The following LRFN5 variants were observed in gnomAD, a reference collection of about 807,000 sequenced individuals.
LRFN5 encodes the protein leucine rich repeat and fibronectin type III domain containing 5.
In LRFN5, 24 loss-of-function variants were observed where a neutral mutation model predicts 45.6. The ratio of observed to expected loss-of-function variants is 0.53; its 90% CI spans 0.38 to 0.74. LRFN5 has a LOEUF of 0.74. LRFN5 is among the 30% of genes least tolerant of loss of function. LRFN5 has a pLI of 0.00. For synonymous variants in LRFN5, 340 were observed against 313.8 expected (o/e 1.08, Z -0.88); for missense variants, 776 against 861.5 (o/e 0.90, Z 1.24).
chr14:41,685,620 C>T (rs1486538405), intron 1 of LRFN5, among the ~76,000 whole-genome samples: 1 of 152,076 alleles, frequency 6.6e-6, no homozygotes, highest in African/African-American at 2.4e-5. Flanking sequence ...GGTCTCTAAT[C>T]CCTCTTGGGT....
At chr14:41,825,411 A>C (rs1224722733) in intron 2 of LRFN5, among the ~76,000 whole-genome samples, 1 of 152,214 alleles carries the variant, frequency 6.6e-6, no homozygotes, top group African/African-American at 2.4e-5. Flanking sequence ...TGGAAGGAGA[A>C]CAGTCACCTT....
intron 1 of LRFN5, among the ~76,000 whole-genome samples, chr14:41,688,639 A>C (rs1258902694): frequency 6.6e-6 from 1 of 151,782 alleles, no homozygotes; most frequent in Non-Finnish European, 1.5e-5. Context: ...AAAATGAGGA[A>C]AATTAGGATA....
At chr14:41,736,801 G>A (rs1390794535) in intron 1 of LRFN5, among the ~76,000 whole-genome samples, 1 of 152,076 alleles carries the variant, frequency 6.6e-6, no homozygotes, top group Non-Finnish European at 1.5e-5. Context: ...ATTAAACCAG[G>A]AAGAAGTCAA....
chr14:41,894,324 A>G, intron 4 of LRFN5: 1 of 906,566 alleles, frequency 1.1e-6, no homozygotes, highest in Non-Finnish European at 1.3e-6. Context: ...AATATCTTTC[A>G]TTTCTCATAG....
intron 1 of LRFN5, among the ~76,000 whole-genome samples, chr14:41,748,704 C>T (rs1594671552): frequency 6.6e-6 from 1 of 152,060 alleles, no homozygotes; most frequent in Middle Eastern, 3.4e-3. Context: ...ATGTATGGTT[C>T]AGTATGAATA....
chr14:41,740,520 CT>C lies in LRFN5; in HGVS notation c.-196-26333del, dbSNP rs566713550. On this transcript the variant is annotated intron_variant, in intron 1 of 5. Coordinates refer to ENST00000298119, the MANE Select transcript of LRFN5 (RefSeq NM_152447.5). ...ATTTAACATCTGATCATGATAAAAG[CT>C]CTCAACAAATAGGTATTGAAATAAT... Among the ~76,000 whole-genome samples, 1,380 of 151,900 alleles carry C rather than the reference CT, an allele frequency of 9.1e-3. 8 individuals carry two copies. The highest frequency in any genetic ancestry group is 0.014 in the Non-Finnish European group (927 of 67,842).
chr14:41,808,509 GGGAGGAAGGAAGGGAGGGAT>G (rs796805158), intron 2 of LRFN5, among the ~76,000 whole-genome samples: 3,309 of 117,960 alleles, frequency 0.028, 197 homozygotes, highest in African/African-American at 0.1. Context: ...AAGGAAGGAA[GGGAGGAAGGAAGGGAGGGAT>G]GGAGGAAGGA....
At chr14:41,799,619 G>T (rs1887255364) in intron 2 of LRFN5, among the ~76,000 whole-genome samples, 1 of 151,754 alleles carries the variant, frequency 6.6e-6, no homozygotes, top group Non-Finnish European at 1.5e-5. Flanking sequence ...TCTCTTATTT[G>T]TTAATGTATT....
intron 2 of LRFN5, among the ~76,000 whole-genome samples, chr14:41,767,858 C>T (rs140876197): frequency 3.3e-5 from 5 of 152,282 alleles, no homozygotes; most frequent in African/African-American, 7.2e-5. Context: ...TTTCCTGGTT[C>T]ATACTTATGA....
At chr14:41,842,863 C>CAACA (rs1888909941) in intron 2 of LRFN5, among the ~76,000 whole-genome samples, 1 of 151,932 alleles carries the variant, frequency 6.6e-6, no homozygotes. Flanking sequence ...TCAACATTAC[C>CAACA]TAATGGAAAT....
At chr14:41,755,186 T>C (rs113004277) in intron 1 of LRFN5, among the ~76,000 whole-genome samples, 1,622 of 152,296 alleles carry the variant, frequency 0.011, 25 homozygotes, top group African/African-American at 0.037. Context: ...TACTTCCAAC[T>C]ATGTGGTCAA....
intron 2 of LRFN5, among the ~76,000 whole-genome samples, chr14:41,844,860 CAA>C (rs576970400): frequency 1.7e-4 from 26 of 151,790 alleles, no homozygotes; most frequent in Non-Finnish European, 3.1e-4. Context: ...AATTGTTAAA[CAA>C]GAGATTAAAT....
intron 2 of LRFN5, among the ~76,000 whole-genome samples, chr14:41,872,902 A>G (rs1890065926): frequency 6.6e-6 from 1 of 152,218 alleles, no homozygotes; most frequent in South Asian, 2.1e-4. Context: ...AGATATGCGT[A>G]TAGATTTGCA....
intron 1 of LRFN5, among the ~76,000 whole-genome samples, chr14:41,708,511 C>A (rs867913922): frequency 2.6e-5 from 4 of 151,930 alleles, no homozygotes; most frequent in Non-Finnish European, 5.9e-5. Context: ...GTTCAAATTT[C>A]CGTATTTGCT....
At chr14:41,706,191 C>T (rs1016228141) in intron 1 of LRFN5, among the ~76,000 whole-genome samples, 2 of 152,004 alleles carry the variant, frequency 1.3e-5, no homozygotes, top group Non-Finnish European at 2.9e-5. Flanking sequence ...ACCTGCACCT[C>T]CCAGGTTCAA....
intron 4 of LRFN5, among the ~76,000 whole-genome samples, 173 bp from the exon 5 acceptor site, chr14:41,898,744 T>C (rs183109343): frequency 2.1e-4 from 32 of 152,020 alleles, no homozygotes; most frequent in Non-Finnish European, 1.5e-5. Context: ...TGAAATATTA[T>C]AAAAGTCAAT....
At chr14:41,858,837 C>T (rs535292276) in intron 2 of LRFN5, among the ~76,000 whole-genome samples, 2 of 152,242 alleles carry the variant, frequency 1.3e-5, no homozygotes, top group Admixed American at 6.5e-5. Context: ...TTTGGGCTCT[C>T]CAGGCATTTC....
At chr14:41,830,931 T>G (rs925886497) in intron 2 of LRFN5, among the ~76,000 whole-genome samples, 2 of 152,212 alleles carry the variant, frequency 1.3e-5, no homozygotes, top group African/African-American at 4.8e-5. Flanking sequence ...AGCTGTTGCG[T>G]CATTTCTTTC....
At chr14:41,718,408 ATTTG>A (rs1366931998) in intron 1 of LRFN5, among the ~76,000 whole-genome samples, 4 of 152,134 alleles carry the variant, frequency 2.6e-5, no homozygotes, top group Admixed American at 6.5e-5. Flanking sequence ...CTGTTCTTTG[ATTTG>A]TTTGACATGG....
Sources: gnomAD v4.1 joint callset for allele counts (sites outside exome capture counted in the v4.1 genomes callset) on GRCh38, gnomAD v4.1.1 for gene constraint, MANE v1.5 for transcripts, NCBI Gene and HGNC (gene_info 2026-07-23, HGNC 2026-07-21) for gene names.